ABCA4: variants seen among roughly 807,000 people sequenced by gnomAD.
ABCA4 encodes retinal-specific phospholipid-transporting ATPase ABCA4.
Under a neutral mutation model 263.7 loss-of-function variants are expected in ABCA4, and 196 were observed. The observed-to-expected ratio is 0.74, with a 90% confidence interval of 0.66 to 0.84. The LOEUF (loss-of-function observed/expected upper bound fraction) is 0.84, where lower values mean the gene tolerates loss of function less well. Ranked by LOEUF, ABCA4 falls within the 40% of genes least tolerant of loss-of-function variation. ABCA4 has a pLI of 0.00. For synonymous variants in ABCA4, 1,133 were observed against 1,094.2 expected (o/e 1.04, Z -0.70); for missense variants, 2,792 against 2,855.1 (o/e 0.98, Z 0.50).
At chr1:94,001,553 C>T (rs1476881312) in intron 45 of ABCA4, 1 of 585,540 alleles carries the variant, frequency 1.7e-6, no homozygotes, top group Admixed American at 2.2e-5. Flanking sequence ...GTATGGGGAC[C>T]AGACACCGAC....
chr1:94,022,032 A>G, intron 32 of ABCA4, 81 bp from the exon 33 acceptor site: 1 of 1,209,998 alleles, frequency 8.3e-7, no homozygotes, highest in Non-Finnish European at 1.2e-6. Flanking sequence ...TTGTAGGGAA[A>G]CATGAACTTT....
In ABCA4 at chr1:93,996,091, C is replaced by CAT. The variant is rs1451227249; in HGVS notation, c.6816+16_6816+17dup. 1 of 1,611,522 alleles carries CAT rather than the reference C, an allele frequency of 6.2e-7. No individual in the cohort carries two copies. The highest frequency in any genetic ancestry group is 1.7e-5 in the Admixed American group (1 of 59,998). ...AGGAACTGCCTCAAGCTGTGGACTG[C>CAT]ATAAGCAGCAGGGGTACCTGGGCTT... On this transcript the variant is annotated intron_variant, in intron 49 of 49. Transcript: ENST00000370225.
intron 22 of ABCA4, 92 bp from the exon 23 acceptor site, chr1:94,041,494 G>T: frequency 7.3e-7 from 1 of 1,379,204 alleles, no homozygotes; most frequent in Non-Finnish European, 1.0e-6. Flanking sequence ...CTATATAGTT[G>T]CAAAAATCAG....
rs946594091 is a variant in ABCA4, at chr1:94,056,679, G to C, written c.2304C>G (p.Ile768Met). Reference sequence around the variant, plus strand: ...TGTGTGGCAGGTAGAGGGTGAAATAGATGACACCACTACAGGCTGCTGCCA... The same window carrying C: ...TGTGTGGCAGGTAGAGGGTGAAATACATGACACCACTACAGGCTGCTGCCA... The part of the protein sequence containing the change: ...ASLAAACSGV[I>M]YFTLYLPHIL... Residue 768 changes from isoleucine to methionine, a missense_variant, in exon 15 of 50, where the codon ATC (isoleucine) becomes ATG (methionine). Ile to Met is a conservative substitution (Grantham distance 10). Coordinates refer to ENST00000370225, the MANE Select transcript of ABCA4 (RefSeq NM_000350.3). 8 of 1,614,050 alleles carry C rather than the reference G, an allele frequency of 5.0e-6. No homozygotes were observed. The African/African-American group carries it at 8.0e-5, about 16-fold the overall frequency.
intron 1 of ABCA4, among the ~76,000 whole-genome samples, chr1:94,114,434 G>C (rs567312796): frequency 1.6e-4 from 24 of 152,034 alleles, no homozygotes; most frequent in Admixed American, 2.6e-4. Context: ...GTTGGAGGAA[G>C]CGCGCACACA....
intron 45 of ABCA4, chr1:94,001,383 A>G (rs1659177561): frequency 3.6e-6 from 2 of 555,428 alleles, no homozygotes; most frequent in Non-Finnish European, 6.5e-6. Flanking sequence ...CAAAAAAAGA[A>G]AATCCTGCAA....
At chr1:94,037,032 G>T in intron 25 of ABCA4, 113 bp downstream of exon 25, 6 of 1,147,904 alleles carry the variant, frequency 5.2e-6, no homozygotes, top group Non-Finnish European at 7.9e-6. Flanking sequence ...TGCTATGCTT[G>T]GGTGGGGAAC....
intron 36 of ABCA4, among the ~76,000 whole-genome samples, chr1:94,019,019 G>GTTTTTTTTTTTTTT (rs757258025): frequency 1.3e-5 from 1 of 76,436 alleles, no homozygotes; most frequent in African/African-American, 6.2e-5. Flanking sequence ...AAACAACCAG[G>GTTTTTTTTTTTTTT]TTTTTTTTTT....
chr1:94,099,405 T>C (rs1483013959), intron 5 of ABCA4, among the ~76,000 whole-genome samples: 1 of 152,226 alleles, frequency 6.6e-6, no homozygotes, highest in African/African-American at 2.4e-5. Flanking sequence ...ACTTTCAGAC[T>C]TGTGACCTCC....
chr1:94,077,455 T>A (rs1359177341), intron 11 of ABCA4, among the ~76,000 whole-genome samples: 1 of 152,002 alleles, frequency 6.6e-6, no homozygotes, highest in Non-Finnish European at 1.5e-5. Context: ...CAGGAGGAGG[T>A]GCCCAGCATG....
chr1:93,997,532 AG>A (rs1441561051), intron 48 of ABCA4, among the ~76,000 whole-genome samples: 1 of 152,018 alleles, frequency 6.6e-6, no homozygotes, highest in Non-Finnish European at 1.5e-5. Context: ...GGCCTCCCAA[AG>A]AACCTGTGTT....
chr1:94,098,043 C>G (rs1010711712), intron 6 of ABCA4, among the ~76,000 whole-genome samples: 1 of 152,212 alleles, frequency 6.6e-6, no homozygotes, highest in African/African-American at 2.4e-5. Flanking sequence ...AGGCGTGAGC[C>G]ACTGCGCCCG....
rs1472064768 is a variant in ABCA4 at position 94,014,686 on chromosome 1, C to A, written c.5317G>T (p.Ala1773Ser). ...LVALLLLYGW[A>S]VIPMMYPASF... ...GCTGGGTACATCATGGGAATGACCG[C>A]CCATCTGTGTGAAATGAGACAACTC... Residue 1773 changes from alanine (A) to serine (S), a missense_variant, in exon 38 of 50, where the codon GCG becomes TCG. Transcript: ENST00000370225. 1 of 1,614,172 alleles carries A rather than the reference C, an allele frequency of 6.2e-7. No homozygotes were observed. Among genetic ancestry groups the A allele is most frequent in the South Asian group, 1.1e-5 (1 of 91,082 alleles).
chr1:94,045,794 C>A (rs188591021), intron 19 of ABCA4: 2 of 456,150 alleles, frequency 4.4e-6, no homozygotes, highest in Non-Finnish European at 8.8e-6. Flanking sequence ...AGGGTGTACA[C>A]GCTGTTGTTC....
Position 94,021,912 on chromosome 1 carries a change from GA to G in ABCA4, c.4706del (p.Val1569AlafsTer12). 3.7e-6 allele frequency: 6 copies of G among 1,614,198 alleles called. No homozygotes were observed. Among genetic ancestry groups the G allele is most frequent in the Non-Finnish European group, 5.1e-6 (6 of 1,180,042 alleles). ...CAACAAGTGCTTCCCCCGTGATGGG[GA>G]CGACTGGGAGCTTTCCTCCAATGGA... ...GISIGGKLPV[V>X]PITGEALVGF... On this transcript the variant is annotated frameshift_variant, in exon 33 of 50. Transcript: ENST00000370225. LOFTEE classifies it high-confidence loss of function.
chr1:94,093,561 T>C (rs1644504861), intron 6 of ABCA4, among the ~76,000 whole-genome samples: 1 of 152,250 alleles, frequency 6.6e-6, no homozygotes, highest in Non-Finnish European at 1.5e-5. Flanking sequence ...CAGGACTCAT[T>C]ATCCTCAATG....
intron 38 of ABCA4, among the ~76,000 whole-genome samples, chr1:94,011,816 G>C (rs1659554345): frequency 6.6e-6 from 1 of 152,196 alleles, no homozygotes; most frequent in African/African-American, 2.4e-5. Context: ...GCAGGAATGT[G>C]CAGAGAAGCT....
intron 4 of ABCA4, among the ~76,000 whole-genome samples, chr1:94,104,106 C>G (rs1018611312): frequency 1.6e-4 from 24 of 152,160 alleles, no homozygotes; most frequent in Non-Finnish European, 2.9e-5. Flanking sequence ...TAATATAATT[C>G]TTACCCCTCC....
chr1:94,001,373 CA>C (rs1557759131), intron 45 of ABCA4: 1 of 567,980 alleles, frequency 1.8e-6, no homozygotes, highest in Non-Finnish European at 3.2e-6. Flanking sequence ...GAATTCTCCT[CA>C]AAAAAAGAAA....
Sources: allele counts gnomAD v4.1 joint callset (sites outside exome capture counted in the v4.1 genomes callset), GRCh38; gene constraint gnomAD v4.1.1; transcripts MANE v1.5; gene names NCBI Gene and HGNC (gene_info 2026-07-23, HGNC 2026-07-21).